The following CDH1 variants were observed in gnomAD, a reference collection of about 807,000 sequenced individuals.
CDH1 encodes cadherin 1, also known as cadherin-1.
CDH1 carries 35 observed loss-of-function variants against 84.5 expected under a neutral mutation model. The observed-to-expected ratio is 0.41, with a 90% CI of 0.32 to 0.55. The LOEUF (loss-of-function observed/expected upper bound fraction) is 0.55. Among genes scored for constraint, CDH1 ranks in the 20% least tolerant of loss-of-function variants. The probability of loss-of-function intolerance (pLI) is 0.19; values close to 1 mark genes in which losing one functional copy is unlikely to be tolerated. For synonymous variants in CDH1, 417 were observed against 439.0 expected (o/e 0.95, Z 0.63); for missense variants, 994 against 1,126.6 (o/e 0.88, Z 1.68).
intron 1 of CDH1, among the ~76,000 whole-genome samples, chr16:68,737,724 CG>C (rs1177999199): frequency 6.7e-6 from 1 of 148,744 alleles, no homozygotes; most frequent in African/African-American, 2.5e-5. Flanking sequence ...GCGGAGTCCG[CG>C]GGGTGGGCTC....
intron 12 of CDH1, chr16:68,822,612 C>A (rs892306404): frequency 1.6e-5 from 7 of 450,960 alleles, no homozygotes; most frequent in Non-Finnish European, 3.0e-5. Context: ...CAGAACTATT[C>A]TACCGAGGTG....
intron 2 of CDH1, among the ~76,000 whole-genome samples, chr16:68,768,237 C>T (rs987246403): frequency 1.3e-4 from 20 of 152,146 alleles, no homozygotes; most frequent in African/African-American, 2.7e-4. Context: ...TGAGCCACTG[C>T]GCCCGGCTTA....
chr16:68,822,182 A>C lies in CDH1; in HGVS notation c.1893A>C (p.Thr631=), dbSNP rs786201452. ...CATCTCCCTTCACAGCAGAACTAAC[A>C]CACGGGGCGAGTGCCAACTGGACCA... The part of the protein sequence containing the change: ...PNTSPFTAEL[T]HGASANWTIQ... Residue 631 remains threonine (T), a synonymous_variant, in exon 12 of 16, where the codon ACA becomes ACC. Transcript: ENST00000261769. 1.2e-5 allele frequency: 20 copies of C among 1,613,996 alleles called. No individual in the cohort carries two copies. The highest frequency in any genetic ancestry group is 1.7e-5 in the Non-Finnish European group (20 of 1,180,022).
intron 2 of CDH1, among the ~76,000 whole-genome samples, chr16:68,738,732 T>A (rs1962472928): frequency 6.6e-6 from 1 of 151,806 alleles, no homozygotes; most frequent in Admixed American, 6.6e-5. Flanking sequence ...ACCTGGTGGG[T>A]GGGAAGGCCT....
intron 2 of CDH1, among the ~76,000 whole-genome samples, chr16:68,795,088 A>G (rs1960323094): frequency 6.6e-6 from 1 of 152,028 alleles, no homozygotes. Context: ...TAAAATTAAC[A>G]TTTTCTGCTG....
At chr16:68,794,797 C>T (rs1960314285) in intron 2 of CDH1, among the ~76,000 whole-genome samples, 1 of 151,582 alleles carries the variant, frequency 6.6e-6, no homozygotes, top group African/African-American at 2.4e-5. Flanking sequence ...CACCATTCTC[C>T]TGCCTCAGCC....
chr16:68,737,688 G>T (rs1469093514), intron 1 of CDH1, among the ~76,000 whole-genome samples: 3 of 152,160 alleles, frequency 2.0e-5, no homozygotes, highest in Non-Finnish European at 2.9e-5. Context: ...CCCCTCCAGC[G>T]CAGACCGAGG....
In CDH1 at chr16:68,811,784, C is replaced by T. The variant is rs35539711; in HGVS notation, c.933C>T (p.Leu311=). 1.2e-6 allele frequency: 2 copies of T among 1,614,148 alleles called. No individual in the cohort carries two copies. Among genetic ancestry groups the T allele is most frequent in the Non-Finnish European group, 8.5e-7 (1 of 1,180,026 alleles). ...CCATCCTCAGCCAAGATCCTGAGCT[C>T]CCTGACAAAAATATGTTCACCATTA... ...AYTILSQDPE[L]PDKNMFTINR... The change falls in exon 7 of 16, where the codon CTC becomes CTT. Residue 311 remains leucine, a synonymous_variant. Transcript: ENST00000261769.
Position 68,823,399 on chromosome 16 carries a change from C to A in CDH1, c.1937C>A (p.Thr646Asn), listed in dbSNP as rs1331707958. Residue 646 changes from threonine to asparagine, a missense_variant and splice_region_variant, in exon 13 of 16, where the codon ACC becomes AAC. Transcript: ENST00000261769. Reference sequence around the variant, plus strand: ...CATTTCTTTTTATTGCTTTCTCCAGCCCAAGAATCTATCATTTTGAAGCCA... The same window carrying A: ...CATTTCTTTTTATTGCTTTCTCCAGACCAAGAATCTATCATTTTGAAGCCA... ...ANWTIQYNDP[T>N]QESIILKPKM... The A allele has an allele frequency of 1.2e-6, 2 of 1,604,984 alleles. No individual in the cohort carries two copies. The highest frequency in any genetic ancestry group is 1.7e-6 in the Non-Finnish European group (2 of 1,171,938).
chr16:68,774,834 A>G (rs1366430527), intron 2 of CDH1, among the ~76,000 whole-genome samples: 1 of 152,200 alleles, frequency 6.6e-6, no homozygotes, highest in Non-Finnish European at 1.5e-5. Context: ...GTCAGTCCAT[A>G]CTGGGTGAAT....
At chr16:68,823,316 T>C (rs574714927) in intron 12 of CDH1, 83 bp from the exon 13 acceptor site, 38 of 960,958 alleles carry the variant, frequency 4.0e-5, no homozygotes, top group Non-Finnish European at 6.0e-5. Flanking sequence ...CGGGTGTCTT[T>C]AGTTCACTAG....
At chr16:68,819,685 C>T (rs1179448072) in intron 11 of CDH1, among the ~76,000 whole-genome samples, 1 of 151,970 alleles carries the variant, frequency 6.6e-6, no homozygotes, top group East Asian at 1.9e-4. Flanking sequence ...CATCATCTAC[C>T]CCCTCCCACC....
chr16:68,744,130 C>T (rs574661407), intron 2 of CDH1, among the ~76,000 whole-genome samples: 11 of 152,304 alleles, frequency 7.2e-5, no homozygotes, highest in East Asian at 3.9e-4. Flanking sequence ...ATGAATAAAT[C>T]GCTATCTTGG....
At chr16:68,817,717 C>T (rs1459214616) in intron 10 of CDH1, among the ~76,000 whole-genome samples, 3 of 150,736 alleles carry the variant, frequency 2.0e-5, no homozygotes, top group Admixed American at 2.0e-4. Context: ...AATAATCAGA[C>T]AAACCCAAGT....
chr16:68,834,250 G>GC lies in CDH1; in HGVS notation c.*754dup. On this transcript the variant is annotated 3_prime_UTR_variant, in exon 16 of 16. Transcript: ENST00000261769. Reference sequence around the variant, plus strand: ...ATTACAGACATGAGCCACTGCACCTGCCCAGCTCCCCAACTCCCTGCCATT... The same window carrying GC: ...ATTACAGACATGAGCCACTGCACCTGCCCCAGCTCCCCAACTCCCTGCCATT... The GC allele has an allele frequency of 3.9e-6, 2 of 509,706 alleles. No individual in the cohort carries two copies. Among genetic ancestry groups the GC allele is most frequent in the Non-Finnish European group, 7.7e-6 (2 of 259,626 alleles). 31.6% of individuals were successfully genotyped at this position (509,706 alleles called of 1,614,324 possible).
intron 2 of CDH1, among the ~76,000 whole-genome samples, chr16:68,750,444 G>T (rs527759536): frequency 6.6e-6 from 1 of 152,080 alleles, no homozygotes; most frequent in Admixed American, 6.6e-5. Context: ...AAGAGGGAAA[G>T]TTACTACTGG....
intron 2 of CDH1, among the ~76,000 whole-genome samples, chr16:68,776,228 C>T (rs1198403572): frequency 1.3e-5 from 2 of 152,216 alleles, no homozygotes; most frequent in Non-Finnish European, 2.9e-5. Context: ...TTCAAGTGAT[C>T]CACCCACCTT....
chr16:68,804,824 C>CTTTTTTTTTTTTT lies in CDH1; in HGVS notation c.387+2942_387+2954dup, dbSNP rs5817653. Among the ~76,000 whole-genome samples, 5 of 69,668 alleles carry CTTTTTTTTTTTTT rather than the reference C, an allele frequency of 7.2e-5. 1 individual carries two copies. Among genetic ancestry groups the CTTTTTTTTTTTTT allele is most frequent in the African/African-American group, 3.3e-4 (5 of 14,972 alleles). The allele number at this position is 69,668 out of a possible 152,430, so 45.7% of individuals were successfully genotyped here. A position where few individuals can be genotyped will look rare whatever the true frequency, so the allele number is the denominator to read the frequency against. On this transcript the variant is annotated intron_variant, in intron 3 of 15. Coordinates refer to ENST00000261769, the MANE Select transcript of CDH1 (RefSeq NM_004360.5). ...AAACAACATATCCAGGTAACAAAAT[C>CTTTTTTTTTTTTT]TTTTTTTTTTTTTTTTTTTTTTTGG...
intron 3 of CDH1, among the ~76,000 whole-genome samples, chr16:68,802,807 T>G (rs1197166211): frequency 6.6e-6 from 1 of 152,090 alleles, no homozygotes; most frequent in Admixed American, 6.6e-5. Flanking sequence ...CTTTTTGTGC[T>G]TCCAGTAAGA....
Sources: gnomAD v4.1 joint callset for allele counts (sites outside exome capture counted in the v4.1 genomes callset) on GRCh38, gnomAD v4.1.1 for gene constraint, MANE v1.5 for transcripts, NCBI Gene and HGNC (gene_info 2026-07-23, HGNC 2026-07-21) for gene names.